UBR2: variants seen among roughly 807,000 people sequenced by gnomAD.
UBR2 encodes E3 ubiquitin-protein ligase UBR2.
A neutral mutation model predicts 247.9 loss-of-function variants in UBR2; 92 were observed. The ratio of observed to expected loss-of-function variants is 0.37; its 90% CI spans 0.31 to 0.44. UBR2 has a LOEUF of 0.44. Ranked by LOEUF, UBR2 falls within the 20% of genes least tolerant of loss-of-function variation. The pLI is 1.00. For synonymous variants in UBR2, 672 were observed against 693.5 expected, an observed-to-expected ratio of 0.97 and a Z score of 0.49; for missense variants, 1,613 against 2,112.6, an observed-to-expected ratio of 0.76 and a Z score of 4.64.
intron 11 of UBR2, chr6:42,620,183 A>C: frequency 3.6e-6 from 1 of 281,388 alleles, no homozygotes; most frequent in Non-Finnish European, 5.4e-6. Context: ...ACTTGGTTTT[A>C]CCAGTCTTTT....
At chr6:42,573,287 T>C (rs997810627) in intron 1 of UBR2, among the ~76,000 whole-genome samples, 1 of 152,194 alleles carries the variant, frequency 6.6e-6, no homozygotes, top group Non-Finnish European at 1.5e-5. Context: ...GTATTGGCTG[T>C]TCATGTTCAC....
chr6:42,663,233 T>C, intron 31 of UBR2, 25 bp from the exon 32 acceptor site: 1 of 1,522,176 alleles, frequency 6.6e-7, no homozygotes, highest in Non-Finnish European at 8.8e-7. Flanking sequence ...ATTGTTTTGA[T>C]ACCTCATGTT....
At position 42,617,506 on chromosome 6, in the gene UBR2, T is replaced by C. The variant is rs1794636221; in HGVS notation, c.1280T>C (p.Leu427Pro). 1 of 1,550,906 alleles carries C rather than the reference T, an allele frequency of 6.4e-7. No homozygotes were observed. Among genetic ancestry groups the C allele is most frequent in the Non-Finnish European group, 8.7e-7 (1 of 1,146,932 alleles). The change falls in exon 11 of 47, where the codon CTT becomes CCT. Residue 427 changes from leucine to proline, a missense_variant and splice_region_variant. Leu to Pro is a moderately conservative substitution (Grantham distance 98, BLOSUM62 -3). This residue lies in a region of UBR2 where 1,524 missense variants were observed against 1,967.3 expected (regional missense o/e 0.77). Transcript: ENST00000372901. ...GTTCAGATATTCACGGTTCCTTCAC[T>C]TGTAAGTACTGAAAGACTAGAAGAA... is the stretch of plus-strand genomic sequence containing the variant. ...LSVQIFTVPS[L>P]ARMLITEENL...
At chr6:42,675,886 G>A (rs1489818257) in intron 38 of UBR2, among the ~76,000 whole-genome samples, 170 bp from the exon 39 acceptor site, 1 of 152,140 alleles carries the variant, frequency 6.6e-6, no homozygotes, top group Non-Finnish European at 1.5e-5. Flanking sequence ...GAACCCAGGA[G>A]GTGGATGTTG....
chr6:42,640,685 C>G (rs1033534870), intron 16 of UBR2, among the ~76,000 whole-genome samples: 4 of 151,870 alleles, frequency 2.6e-5, no homozygotes, highest in Non-Finnish European at 4.4e-5. Context: ...TGAAGCCCAC[C>G]CATGTTTGGA....
At chr6:42,590,629 A>G (rs1792600865) in intron 2 of UBR2, among the ~76,000 whole-genome samples, 1 of 152,246 alleles carries the variant, frequency 6.6e-6, no homozygotes, top group African/African-American at 2.4e-5. Flanking sequence ...TAGGTAAAGA[A>G]AAAATATCCA....
chr6:42,619,186 G>A (rs1471265111), intron 11 of UBR2, among the ~76,000 whole-genome samples: 4 of 150,832 alleles, frequency 2.7e-5, no homozygotes, highest in African/African-American at 4.9e-5. Flanking sequence ...AAATGTTTTC[G>A]CTTATTCTTA....
At chr6:42,599,853 C>G (rs1262973408) in intron 4 of UBR2, among the ~76,000 whole-genome samples, 1 of 152,114 alleles carries the variant, frequency 6.6e-6, no homozygotes, top group Non-Finnish European at 1.5e-5. Flanking sequence ...GCCTCTGCCT[C>G]TGAAAGTGCT....
intron 6 of UBR2, 45 bp from the exon 7 acceptor site, chr6:42,606,544 A>G (rs1436236963): frequency 8.6e-6 from 13 of 1,519,960 alleles, no homozygotes; most frequent in Non-Finnish European, 1.1e-5. Flanking sequence ...AGTTATTAAT[A>G]TTGAATACAA....
chr6:42,578,065 A>T (rs566735899), intron 2 of UBR2, among the ~76,000 whole-genome samples: 1 of 152,000 alleles, frequency 6.6e-6, no homozygotes, highest in African/African-American at 2.4e-5. Flanking sequence ...TTCTGTTGGG[A>T]TGTTTTAACC....
chr6:42,615,322 A>G (rs1024350962), intron 9 of UBR2, 144 bp downstream of exon 9: 1 of 521,470 alleles, frequency 1.9e-6, no homozygotes. Flanking sequence ...TTTGAAAAAT[A>G]TAGATTTGGT....
chr6:42,600,189 T>C (rs189257145), intron 4 of UBR2, among the ~76,000 whole-genome samples: 62 of 152,288 alleles, frequency 4.1e-4, no homozygotes, highest in Non-Finnish European at 8.2e-4. Flanking sequence ...AGGAGTATAC[T>C]GCATAAAAGA....
At chr6:42,599,275 G>A (rs1793197443) in intron 4 of UBR2, among the ~76,000 whole-genome samples, 1 of 152,096 alleles carries the variant, frequency 6.6e-6, no homozygotes, top group Non-Finnish European at 1.5e-5. Context: ...TCCCAAAACA[G>A]CCTCATAAGA....
At chr6:42,565,561 T>A (rs1324102228) in intron 1 of UBR2, among the ~76,000 whole-genome samples, 1 of 152,104 alleles carries the variant, frequency 6.6e-6, no homozygotes, top group Non-Finnish European at 1.5e-5. Flanking sequence ...GTTTTGTTGT[T>A]GTTTGTTTTT....
At chr6:42,686,656 G>T (rs1000734034) in intron 44 of UBR2, among the ~76,000 whole-genome samples, 1 of 152,170 alleles carries the variant, frequency 6.6e-6, no homozygotes, top group Non-Finnish European at 1.5e-5. Context: ...CGGGGCAGCC[G>T]GGCAGAGGCG....
rs1799646401 is a variant in UBR2, at chr6:42,689,725, T to TCA, written c.5126+55_5126+56insCA. On this transcript the variant is annotated intron_variant, in intron 46 of 46. Transcript: ENST00000372901. The surrounding 1 kb of genome is among the most constrained non-coding windows in gnomAD (Gnocchi z 4.0). ...AGGGCCTGCAGCGCCCTTCCGTATG[T>TCA]GGTGACGTCCTGAGGGTGGAGGGCT... 3.3e-6 allele frequency: 5 copies of TCA among 1,494,850 alleles called. No homozygotes were observed. Among genetic ancestry groups the TCA allele is most frequent in the Non-Finnish European group, 4.7e-6 (5 of 1,072,468 alleles). The allele number at this position is 1,494,850 out of a possible 1,614,324, so 92.6% of individuals were successfully genotyped here.
At chr6:42,565,051 TA>T (rs999652033) in intron 1 of UBR2, among the ~76,000 whole-genome samples, 19 of 152,256 alleles carry the variant, frequency 1.2e-4, no homozygotes, top group African/African-American at 4.3e-4. Context: ...TTCTAGGAGT[TA>T]GGGGTAATTG....
intron 36 of UBR2, among the ~76,000 whole-genome samples, chr6:42,671,958 T>C (rs909082078): frequency 6.6e-6 from 1 of 152,176 alleles, no homozygotes; most frequent in Non-Finnish European, 1.5e-5. Flanking sequence ...TAAAATTCAA[T>C]CCAAATTAAT....
intron 1 of UBR2, among the ~76,000 whole-genome samples, chr6:42,568,785 A>G (rs1790936456): frequency 6.6e-6 from 1 of 152,172 alleles, no homozygotes; most frequent in South Asian, 2.1e-4. Context: ...GTACAGGTTG[A>G]GTATTGTTAC....
Sources: gnomAD v4.1 joint callset for allele counts (sites outside exome capture counted in the v4.1 genomes callset) on GRCh38, gnomAD v4.1.1 for gene constraint, gnomAD v4.1.1 regional missense constraint, Gnocchi (gnomAD v3.1) non-coding constraint, MANE v1.5 for transcripts, NCBI Gene and HGNC (gene_info 2026-07-23, HGNC 2026-07-21) for gene names.